The following KIAA2012 variants were observed in gnomAD, a reference collection of about 807,000 sequenced individuals.
KIAA2012 encodes the protein KIAA2012.
KIAA2012 carries 125 observed loss-of-function variants against 150.6 expected under a neutral mutation model. The observed-to-expected ratio is 0.83, with a 90% CI of 0.72 to 0.96. The LOEUF (loss-of-function observed/expected upper bound fraction) is 0.96. Among genes scored for constraint, KIAA2012 ranks in the 40% least tolerant of loss-of-function variants. The probability of loss-of-function intolerance (pLI) is 0.00; values close to 1 mark genes in which losing one functional copy is unlikely to be tolerated. For synonymous variants in KIAA2012, 462 were observed against 504.7 expected, an observed-to-expected ratio of 0.92 and a Z score of 1.13; for missense variants, 1,219 against 1,354.9, an observed-to-expected ratio of 0.90 and a Z score of 1.57.
intron 15 of KIAA2012, among the ~76,000 whole-genome samples, chr2:202,177,720 A>G (rs1251638489): frequency 6.6e-6 from 1 of 152,158 alleles, no homozygotes; most frequent in Non-Finnish European, 1.5e-5. Context: ...TAATCCATTC[A>G]TGAGGATGGA....
chr2:202,113,512 C>A, intron 11 of KIAA2012, 66 bp downstream of exon 11: 2 of 1,161,354 alleles, frequency 1.7e-6, no homozygotes, highest in Non-Finnish European at 2.4e-6. Context: ...TTACCTGCAG[C>A]TTCCAAATTT....
chr2:202,122,495 GCT>G (rs1690675739), intron 11 of KIAA2012, among the ~76,000 whole-genome samples: 1 of 135,210 alleles, frequency 7.4e-6, no homozygotes, highest in African/African-American at 3.0e-5. Flanking sequence ...ACTCAAATCC[GCT>G]CTTTTTTTTT....
At chr2:202,081,161 T>A (rs1252583905) in intron 2 of KIAA2012, among the ~76,000 whole-genome samples, 1 of 152,266 alleles carries the variant, frequency 6.6e-6, no homozygotes, top group Non-Finnish European at 1.5e-5. Context: ...TGAATTCATG[T>A]TGTAGCATGT....
intron 11 of KIAA2012, 130 bp from the exon 12 acceptor site, chr2:202,125,084 A>G: frequency 1.3e-6 from 1 of 743,008 alleles, no homozygotes; most frequent in Non-Finnish European, 2.2e-6. Context: ...ATTTAAAAAA[A>G]AGAAACAGTT....
chr2:202,173,144 G>C (rs962016808), intron 15 of KIAA2012, among the ~76,000 whole-genome samples: 2 of 152,182 alleles, frequency 1.3e-5, no homozygotes, highest in Non-Finnish European at 2.9e-5. Flanking sequence ...CAGAGTCCCA[G>C]AGAACAGCAG....
At chr2:202,140,732 C>A (rs576099269) in intron 13 of KIAA2012, among the ~76,000 whole-genome samples, 1 of 152,278 alleles carries the variant, frequency 6.6e-6, no homozygotes, top group East Asian at 1.9e-4. Context: ...AAATTTCTGT[C>A]CAGCTGATTT....
At chr2:202,113,561 C>T in intron 11 of KIAA2012, 115 bp downstream of exon 11, 1 of 661,426 alleles carries the variant, frequency 1.5e-6, no homozygotes, top group South Asian at 1.9e-5. Context: ...AGACGCAAGT[C>T]AGCCAGTTTC....
intron 9 of KIAA2012, 183 bp downstream of exon 9, chr2:202,106,093 T>A: frequency 3.4e-6 from 5 of 1,487,188 alleles, no homozygotes; most frequent in Non-Finnish European, 4.5e-6. Flanking sequence ...GCACTAAAAC[T>A]AACAGTGTCC....
chr2:202,133,069 C>T (rs1690988849), intron 12 of KIAA2012, among the ~76,000 whole-genome samples: 1 of 130,906 alleles, frequency 7.6e-6, no homozygotes, highest in Admixed American at 8.2e-5. Context: ...CGTGCCACTG[C>T]ACTCCAGCCT....
chr2:202,118,820 C>A (rs185369085), intron 11 of KIAA2012, among the ~76,000 whole-genome samples: 3 of 152,326 alleles, frequency 2.0e-5, no homozygotes, highest in Non-Finnish European at 4.4e-5. Context: ...ACAGCCCACT[C>A]TGGAAGGTGT....
intron 19 of KIAA2012, among the ~76,000 whole-genome samples, chr2:202,191,761 T>C (rs1692330768): frequency 6.6e-6 from 1 of 152,210 alleles, no homozygotes; most frequent in South Asian, 2.1e-4. Context: ...CTTTAAACAC[T>C]ACAAATGCAC....
rs142446365 is a variant in KIAA2012, at chr2:202,193,007, C to T, written c.2812-294C>T. 4.7e-4 allele frequency among the ~76,000 whole-genome samples: 72 copies of T among 152,292 alleles called. No homozygotes were observed. The East Asian group carries it at 0.013, about 28-fold the overall frequency. ...TACCATGTACTGGACATTATGTTGG[C>T]ACTTTCATTATTTCAGCTAATCCTG... On this transcript the variant is annotated intron_variant, in intron 19 of 23. Transcript: ENST00000498697.
intron 10 of KIAA2012, 57 bp from the exon 11 acceptor site, chr2:202,113,279 T>C (rs963220639): frequency 6.3e-5 from 87 of 1,376,826 alleles, no homozygotes; most frequent in Middle Eastern, 2.0e-4. Context: ...CCAGGTTTGG[T>C]CTGTCTCCCT....
At chr2:202,112,247 A>G (rs1481341410) in intron 10 of KIAA2012, among the ~76,000 whole-genome samples, 1 of 152,000 alleles carries the variant, frequency 6.6e-6, no homozygotes, top group Non-Finnish European at 1.5e-5. Flanking sequence ...GACACTGGAG[A>G]TCAAGCTCTT....
chr2:202,171,841 C>G (rs1691899000), intron 15 of KIAA2012, among the ~76,000 whole-genome samples: 1 of 127,002 alleles, frequency 7.9e-6, no homozygotes, highest in African/African-American at 3.0e-5. Flanking sequence ...TAATTTTTGG[C>G]ATTTACTTTT....
chr2:202,091,040 CTG>C, intron 3 of KIAA2012, 111 bp downstream of exon 3: 10 of 1,388,864 alleles, frequency 7.2e-6, no homozygotes, highest in Non-Finnish European at 9.6e-6. Context: ...AAGCCCAATT[CTG>C]TGTTAAAGCA....
In KIAA2012 at chr2:202,093,058, G is replaced by C. The variant is rs1220051194; in HGVS notation, c.558G>C (p.Gln186His). The change falls in exon 4 of 24, where the codon CAG becomes CAC. Residue 186 changes from glutamine (Q) to histidine (H), a missense_variant. Transcript: ENST00000498697. The stretch of plus-strand genomic sequence containing the variant: ...ACATCAAGGATTCTGTGCTACTCCA[G>C]GACAGTCAACTTAATGTACCAAAGA... ...AGYIKDSVLL[Q>H]DSQLNVPKKL... 10 of 1,550,484 alleles carry C rather than the reference G, an allele frequency of 6.4e-6. No individual in the cohort carries two copies. The highest frequency in any genetic ancestry group is 1.7e-4 in the Middle Eastern group (1 of 5,994).
rs776118758 is a variant in KIAA2012, at chr2:202,138,453, A to G, written c.1853A>G (p.Asn618Ser). 81 of 1,550,584 alleles carry G rather than the reference A, an allele frequency of 5.2e-5. No individual in the cohort carries two copies. Among genetic ancestry groups the G allele is most frequent in the South Asian group, 3.4e-4 (29 of 84,060 alleles). Residue 618 changes from asparagine (N) to serine (S), a missense_variant, in exon 13 of 24, where the codon AAT becomes AGT. Coordinates refer to ENST00000498697, the MANE Select transcript of KIAA2012 (RefSeq NM_001277372.4). ...FLKANTEPRA[N>S]LHMNLYETSP... ...ACAGCAAACACTGAACCTAGAGCCA[A>G]TCTTCACATGAACCTTTATGAAACC...
intron 15 of KIAA2012, among the ~76,000 whole-genome samples, chr2:202,173,720 A>G (rs1188121066): frequency 1.3e-5 from 2 of 152,222 alleles, no homozygotes; most frequent in African/African-American, 4.8e-5. Flanking sequence ...GGTTTATCAC[A>G]AGAATTCAAA....
Sources: gnomAD v4.1 joint callset for allele counts (sites outside exome capture counted in the v4.1 genomes callset) on GRCh38, gnomAD v4.1.1 for gene constraint, MANE v1.5 for transcripts, NCBI Gene and HGNC (gene_info 2026-07-23, HGNC 2026-07-21) for gene names.